The following NEDD4L variants were observed in gnomAD, a reference collection of about 807,000 sequenced individuals.
The protein encoded by NEDD4L is NEDD4 like E3 ubiquitin protein ligase.
In NEDD4L, 54 loss-of-function variants were observed where a neutral mutation model predicts 148.9. The observed-to-expected ratio is 0.36, with a 90% CI of 0.29 to 0.45. NEDD4L has a LOEUF of 0.45. NEDD4L is among the 20% of genes least tolerant of loss of function. NEDD4L has a pLI of 1.00. For missense variants in NEDD4L, 856 were observed against 1,233.8 expected, an observed-to-expected ratio of 0.69 and a Z score of 4.59; for synonymous variants, 433 against 440.7, an observed-to-expected ratio of 0.98 and a Z score of 0.22.
chr18:58,109,077 TAGCAAGAAA>T (rs1305595583), intron 1 of NEDD4L, among the ~76,000 whole-genome samples: 1 of 152,226 alleles, frequency 6.6e-6, no homozygotes, highest in Non-Finnish European at 1.5e-5. Context: ...AAACAATATA[TAGCAAGAAA>T]ATTTGGATCA....
chr18:58,249,630 G>A (rs1358591452), intron 4 of NEDD4L, among the ~76,000 whole-genome samples: 1 of 152,142 alleles, frequency 6.6e-6, no homozygotes, highest in Non-Finnish European at 1.5e-5. Context: ...CAAAACGAAG[G>A]TATCTTAATT....
rs996668454 is a variant in NEDD4L, at chr18:58,201,396, A to G, written c.122+35535A>G. 3.8e-4 allele frequency among the ~76,000 whole-genome samples: 58 copies of G among 152,188 alleles called. 1 individual carries two copies. Among genetic ancestry groups the G allele is most frequent in the Non-Finnish European group, 1.5e-4 (10 of 68,034 alleles). On this transcript the variant is annotated intron_variant, in intron 2 of 30. Coordinates refer to ENST00000400345, the MANE Select transcript of NEDD4L (RefSeq NM_001144967.3). Reference sequence around the variant, plus strand: ...TAAATTATTCTTCAAACATATACTAAAATAGAGAAGACAACATGAGAGCCA... The same window carrying G: ...TAAATTATTCTTCAAACATATACTAGAATAGAGAAGACAACATGAGAGCCA...
chr18:58,242,790 G>A (rs1209961924), intron 2 of NEDD4L, among the ~76,000 whole-genome samples: 1 of 152,188 alleles, frequency 6.6e-6, no homozygotes, highest in Non-Finnish European at 1.5e-5. Flanking sequence ...ACAGGCGTGA[G>A]CCACTGCGCC....
intron 19 of NEDD4L, among the ~76,000 whole-genome samples, chr18:58,363,462 TCGTAAG>T (rs1378808246): frequency 1.3e-5 from 2 of 152,206 alleles, no homozygotes; most frequent in African/African-American, 4.8e-5. Context: ...CATAAAAATA[TCGTAAG>T]CTTTTTCAGT....
chr18:58,159,333 T>A (rs1331981737), intron 1 of NEDD4L, among the ~76,000 whole-genome samples: 1 of 152,214 alleles, frequency 6.6e-6, no homozygotes, highest in Non-Finnish European at 1.5e-5. Flanking sequence ...CATGTCATTA[T>A]ACATTTGTCC....
At chr18:58,264,375 AG>A (rs2049916514) in intron 5 of NEDD4L, among the ~76,000 whole-genome samples, 1 of 152,054 alleles carries the variant, frequency 6.6e-6, no homozygotes, top group Non-Finnish European at 1.5e-5. Flanking sequence ...TAATGTATGC[AG>A]GGGTCATTTT....
rs1350133712 is a variant in NEDD4L, at chr18:58,385,520, C to T, written c.2427-6C>T. On this transcript the variant is annotated splice_region_variant and splice_polypyrimidine_tract_variant and intron_variant, in intron 25 of 30. Coordinates refer to ENST00000400345, the MANE Select transcript of NEDD4L (RefSeq NM_001144967.3). Reference sequence around the variant, plus strand: ...TGGTTCAATATTGTCCTCTTTTCTCCTGCAGCTTAGTCATCCAGTGGAGAT... The same window carrying T: ...TGGTTCAATATTGTCCTCTTTTCTCTTGCAGCTTAGTCATCCAGTGGAGAT... 1.2e-6 allele frequency: 2 copies of T among 1,612,576 alleles called. No individual in the cohort carries two copies. Among genetic ancestry groups the T allele is most frequent in the African/African-American group, 2.7e-5 (2 of 74,880 alleles).
At chr18:58,319,328 G>A (rs368733202) in intron 6 of NEDD4L, among the ~76,000 whole-genome samples, 245 of 152,262 alleles carry the variant, frequency 1.6e-3, no homozygotes, top group African/African-American at 5.4e-3. Context: ...GGGTGGATTC[G>A]CCCAAGGCTT....
At chr18:58,178,891 T>C (rs182650665) in intron 2 of NEDD4L, among the ~76,000 whole-genome samples, 58 of 152,276 alleles carry the variant, frequency 3.8e-4, no homozygotes, top group East Asian at 2.9e-3. Flanking sequence ...GGTAGGAAAG[T>C]AGAGAAACAT....
intron 2 of NEDD4L, among the ~76,000 whole-genome samples, chr18:58,171,882 C>CT (rs1490449389): frequency 6.6e-6 from 1 of 152,144 alleles, no homozygotes; most frequent in Non-Finnish European, 1.5e-5. Flanking sequence ...CAAGAGTGGG[C>CT]TCAGAGAAAA....
At chr18:58,375,964 A>G (rs1001472423) in intron 24 of NEDD4L, among the ~76,000 whole-genome samples, 4 of 152,174 alleles carry the variant, frequency 2.6e-5, no homozygotes, top group African/African-American at 9.7e-5. Context: ...TCTTCCTTTC[A>G]TTTTTAACAT....
chr18:58,220,034 G>A (rs1444370857), intron 2 of NEDD4L, among the ~76,000 whole-genome samples: 2 of 152,168 alleles, frequency 1.3e-5, no homozygotes, highest in Non-Finnish European at 2.9e-5. Context: ...TGGAAATCTT[G>A]TTCTTAAATT....
At chr18:58,129,438 C>T (rs182718967) in intron 1 of NEDD4L, among the ~76,000 whole-genome samples, 1 of 152,352 alleles carries the variant, frequency 6.6e-6, no homozygotes, top group East Asian at 1.9e-4. Context: ...TCTGTCATTT[C>T]AGTTGGCCAT....
At chr18:58,090,248 T>C (rs1444711098) in intron 1 of NEDD4L, among the ~76,000 whole-genome samples, 1 of 152,228 alleles carries the variant, frequency 6.6e-6, no homozygotes, top group Non-Finnish European at 1.5e-5. Context: ...AATGGATTTG[T>C]TGAAACTACA....
intron 1 of NEDD4L, among the ~76,000 whole-genome samples, chr18:58,080,303 C>G (rs537105054): frequency 6.6e-6 from 1 of 152,348 alleles, no homozygotes; most frequent in African/African-American, 2.4e-5. Context: ...CAGTTTCACA[C>G]GAGCGTCTCT....
chr18:58,199,241 T>C (rs1258299678), intron 2 of NEDD4L, among the ~76,000 whole-genome samples: 1 of 152,248 alleles, frequency 6.6e-6, no homozygotes, highest in African/African-American at 2.4e-5. Flanking sequence ...AATTTTGATA[T>C]ATTTATCCAT....
chr18:58,130,005 G>A, intron 1 of NEDD4L, among the ~76,000 whole-genome samples: 1 of 150,812 alleles, frequency 6.6e-6, no homozygotes, highest in East Asian at 2.0e-4. Context: ...GGGCTCTGTT[G>A]GGGTTTGGTT....
chr18:58,110,318 T>C (rs1398838845), intron 1 of NEDD4L, among the ~76,000 whole-genome samples: 1 of 152,240 alleles, frequency 6.6e-6, no homozygotes, highest in African/African-American at 2.4e-5. Flanking sequence ...GACTTGGCCC[T>C]GAAGAATAGA....
intron 2 of NEDD4L, among the ~76,000 whole-genome samples, chr18:58,187,165 C>A (rs2039569270): frequency 6.6e-6 from 1 of 152,186 alleles, no homozygotes; most frequent in Non-Finnish European, 1.5e-5. Flanking sequence ...AATGGGTTTC[C>A]TTTGTCTCCG....
Sources: allele counts gnomAD v4.1 joint callset (sites outside exome capture counted in the v4.1 genomes callset), GRCh38; gene constraint gnomAD v4.1.1; transcripts MANE v1.5; gene names NCBI Gene and HGNC (gene_info 2026-07-23, HGNC 2026-07-21).